Variants in PIGZ observed in about 807,000 individuals in gnomAD.
The protein encoded by PIGZ is GPI alpha-1,2-mannosyltransferase 4.
PIGZ carries 16 observed loss-of-function variants against 16.4 expected under a neutral mutation model. The ratio of observed to expected loss-of-function variants is 0.97; its 90% CI spans 0.66 to 1.48. The LOEUF (loss-of-function observed/expected upper bound fraction) is 1.48, where lower values mean the gene tolerates loss of function less well. Ranked by LOEUF, PIGZ falls within the 40% of genes most tolerant of loss-of-function variation. The probability of loss-of-function intolerance (pLI) is 0.00; values close to 1 mark genes in which losing one functional copy is unlikely to be tolerated. For missense variants in PIGZ, 770 were observed against 739.2 expected (o/e 1.04, Z -0.48); for synonymous variants, 409 against 338.4 (o/e 1.21, Z -2.29).
intron 1 of PIGZ, among the ~76,000 whole-genome samples, chr3:196,958,563 G>A (rs1022827050): frequency 2.6e-5 from 4 of 152,180 alleles, no homozygotes; most frequent in African/African-American, 9.7e-5. Flanking sequence ...CCTGGGAGGC[G>A]GAGTTTGCAG....
At chr3:196,966,890 G>A (rs1053457789) in intron 1 of PIGZ, among the ~76,000 whole-genome samples, 3 of 152,170 alleles carry the variant, frequency 2.0e-5, no homozygotes, top group Non-Finnish European at 4.4e-5. Context: ...TAGCCTCCTG[G>A]GGGTCGGTCG....
chr3:196,951,972 C>A lies in PIGZ; in HGVS notation c.60G>T (p.Leu20Phe). ...SVAAGTSFQV[L>F]GPVCWQQLDL... ...CCAGTTGTTGCCAACACACCGGGCC[C>A]AAAACCTGGAATGATGTCCCAGCTG... is the stretch of plus-strand genomic sequence containing the variant. Residue 20 changes from leucine to phenylalanine, a missense_variant, in exon 2 of 3, where the codon TTG becomes TTT. Transcript: ENST00000412723. The A allele has an allele frequency of 1.2e-6, 2 of 1,614,174 alleles. No homozygotes were observed. The highest frequency in any genetic ancestry group is 1.7e-6 in the Non-Finnish European group (2 of 1,180,030).
intron 1 of PIGZ, among the ~76,000 whole-genome samples, 185 bp from the exon 2 acceptor site, chr3:196,952,216 C>CA (rs1717316672): frequency 6.6e-6 from 1 of 152,214 alleles, no homozygotes; most frequent in Non-Finnish European, 1.5e-5. Flanking sequence ...TTTCCACAGT[C>CA]TGGAGCAGTG....
At position 196,960,704 on chromosome 3, in the gene PIGZ, AAAGG is replaced by A. The variant is rs1489898743; in HGVS notation, c.-1+7979_-1+7982del. Among the ~76,000 whole-genome samples, 78 of 148,290 alleles carry A rather than the reference AAAGG, an allele frequency of 5.3e-4. 1 individual carries two copies. Among genetic ancestry groups the A allele is most frequent in the African/African-American group, 1.9e-3 (76 of 40,022 alleles). On this transcript the variant is annotated intron_variant, in intron 1 of 2. Coordinates refer to ENST00000412723, the MANE Select transcript of PIGZ (RefSeq NM_025163.4). ...AAAAAAGATGAAAGAAAGAAAGAAGAAAGGAAGGAAGGAAAGAAAGAAAAGAAAG... is the reference window on the plus strand; with the variant it reads ...AAAAAAGATGAAAGAAAGAAAGAAGAAAGGAAGGAAAGAAAGAAAAGAAAG...
chr3:196,959,875 C>A (rs9325380), intron 1 of PIGZ, among the ~76,000 whole-genome samples: 31,390 of 152,146 alleles, frequency 0.21, 3,339 homozygotes, highest in Middle Eastern at 0.3. Flanking sequence ...AAACAAAAAG[C>A]TACATTTTGT....
rs1560179910 is a variant in PIGZ, at chr3:196,948,468, G to GGCCCC, written c.424_428dup (p.Val144GlyfsTer55). On this transcript the variant is annotated frameshift_variant, in exon 3 of 3. Transcript: ENST00000412723. LOFTEE classifies it low-confidence loss of function (END_TRUNC). ...CCATCGGCGGGGCCAGGTGGTACAC[G>GGCCCC]GCCCCGTCCAGAGCAAAGGAAAGGG... The GGCCCC allele has an allele frequency of 6.2e-7, 1 of 1,613,824 alleles. No homozygotes were observed. The highest frequency in any genetic ancestry group is 8.5e-7 in the Non-Finnish European group (1 of 1,179,910).
At chr3:196,967,927 G>A (rs1182938803) in intron 1 of PIGZ, among the ~76,000 whole-genome samples, 5 of 152,250 alleles carry the variant, frequency 3.3e-5, no homozygotes, top group African/African-American at 1.2e-4. Context: ...GGAGATGGGG[G>A]TGTTGACGAT....
intron 1 of PIGZ, among the ~76,000 whole-genome samples, chr3:196,954,088 G>C (rs1232834460): frequency 6.6e-6 from 1 of 152,008 alleles, no homozygotes; most frequent in East Asian, 1.9e-4. Context: ...TTTGAGACCA[G>C]CCTGGCCAAC....
At chr3:196,956,507 T>C (rs1717495079) in intron 1 of PIGZ, among the ~76,000 whole-genome samples, 3 of 152,118 alleles carry the variant, frequency 2.0e-5, no homozygotes, top group Non-Finnish European at 4.4e-5. Context: ...AATTCAATTA[T>C]CTCCCACCAG....
rs185141218 is a variant in PIGZ, at chr3:196,964,411, G to A, written c.-1+4276C>T. On this transcript the variant is annotated intron_variant, in intron 1 of 2. Coordinates refer to ENST00000412723, the MANE Select transcript of PIGZ (RefSeq NM_025163.4). The stretch of plus-strand genomic sequence containing the variant: ...GTCTTGCTTGTCGCCTAGGCTAGGT[G>A]CAGTGGCACGATCTTGGCTCACTGC... Among the ~76,000 whole-genome samples the A allele has an allele frequency of 4.9e-3, 733 of 150,928 alleles. 12 individuals carry two copies. The highest frequency in any genetic ancestry group is 4.5e-3 in the Non-Finnish European group (304 of 67,864).
chr3:196,967,551 A>C (rs528175584), intron 1 of PIGZ, among the ~76,000 whole-genome samples: 13 of 152,174 alleles, frequency 8.5e-5, no homozygotes, highest in Non-Finnish European at 1.9e-4. Flanking sequence ...CCTCAGGACT[A>C]AGATCTTGTT....
intron 1 of PIGZ, among the ~76,000 whole-genome samples, chr3:196,967,811 TAG>T (rs1717991481): frequency 2.6e-5 from 4 of 152,010 alleles, no homozygotes; most frequent in Non-Finnish European, 5.9e-5. Context: ...TAAACACACA[TAG>T]AGAGTGAAAG....
intron 1 of PIGZ, among the ~76,000 whole-genome samples, chr3:196,962,884 G>A (rs1717778243): frequency 6.6e-6 from 1 of 152,178 alleles, no homozygotes; most frequent in Admixed American, 6.5e-5. Context: ...AAATACTGAG[G>A]GAATTCAGAA....
intron 1 of PIGZ, among the ~76,000 whole-genome samples, chr3:196,963,191 T>C (rs1717790985): frequency 6.6e-6 from 1 of 152,244 alleles, no homozygotes; most frequent in African/African-American, 2.4e-5. Context: ...ATATTTTGTG[T>C]GCCCATTCAT....
intron 2 of PIGZ, among the ~76,000 whole-genome samples, chr3:196,950,264 C>T (rs375509077): frequency 2.6e-5 from 4 of 152,040 alleles, no homozygotes; most frequent in African/African-American, 9.7e-5. Context: ...GGATTACAGG[C>T]GTGAGCCACT....
At chr3:196,962,904 G>A (rs769322099) in intron 1 of PIGZ, among the ~76,000 whole-genome samples, 4 of 152,180 alleles carry the variant, frequency 2.6e-5, no homozygotes, top group East Asian at 1.9e-4. Context: ...AACCAGTGCC[G>A]GTGCAGGTCC....
intron 2 of PIGZ, among the ~76,000 whole-genome samples, chr3:196,951,130 A>T (rs551946473): frequency 6.6e-6 from 1 of 152,318 alleles, no homozygotes; most frequent in African/African-American, 2.4e-5. Flanking sequence ...GCCTCATGAT[A>T]CATTCTGCCC....
intron 1 of PIGZ, among the ~76,000 whole-genome samples, chr3:196,952,603 A>G (rs921971744): frequency 6.6e-6 from 1 of 152,008 alleles, no homozygotes; most frequent in Non-Finnish European, 1.5e-5. Context: ...ACGCCCGGCT[A>G]ATTTTTGTAT....
intron 1 of PIGZ, among the ~76,000 whole-genome samples, chr3:196,953,990 CA>C (rs11295143): frequency 0.37 from 53,781 of 145,168 alleles, 10,562 homozygotes; most frequent in East Asian, 0.84. Context: ...AAGACCCTGT[CA>C]AAAAAAAAAA....
Sources: gnomAD v4.1 joint callset for allele counts (sites outside exome capture counted in the v4.1 genomes callset) on GRCh38, gnomAD v4.1.1 for gene constraint, MANE v1.5 for transcripts, NCBI Gene and HGNC (gene_info 2026-07-23, HGNC 2026-07-21) for gene names.